Variants in NME7 observed in about 807,000 individuals in gnomAD.
The protein encoded by NME7 is NME/NM23 family member 7.
In NME7, 41 loss-of-function variants were observed where a neutral mutation model predicts 49.1. The ratio of observed to expected loss-of-function variants is 0.83; its 90% CI spans 0.65 to 1.08. The LOEUF is 1.08. Among genes scored for constraint, NME7 ranks in the 50% least tolerant of loss-of-function variants. The pLI is 0.00. For missense variants in NME7, 423 were observed against 463.4 expected (o/e 0.91, Z 0.80); for synonymous variants, 139 against 150.6 (o/e 0.92, Z 0.56).
At chr1:169,363,674 C>T (rs1365541641) in intron 1 of NME7, among the ~76,000 whole-genome samples, 1 of 152,196 alleles carries the variant, frequency 6.6e-6, no homozygotes, top group African/African-American at 2.4e-5. Flanking sequence ...ACCATAAGTT[C>T]CTAAAATATA....
intron 10 of NME7, among the ~76,000 whole-genome samples, chr1:169,180,796 CT>C (rs1199830335): frequency 1.3e-5 from 2 of 151,964 alleles, no homozygotes; most frequent in African/African-American, 4.8e-5. Flanking sequence ...TATTAATGAG[CT>C]TTTTTACATT....
chr1:169,220,662 A>T (rs1288231479), intron 10 of NME7, among the ~76,000 whole-genome samples: 1 of 152,156 alleles, frequency 6.6e-6, no homozygotes, highest in African/African-American at 2.4e-5. Flanking sequence ...TTACTAACAC[A>T]TAACTTTTTT....
At chr1:169,209,999 T>C (rs1327253132) in intron 10 of NME7, among the ~76,000 whole-genome samples, 4 of 152,188 alleles carry the variant, frequency 2.6e-5, no homozygotes, top group East Asian at 1.9e-4. Context: ...TTGTAATATA[T>C]ACAACTATGT....
intron 10 of NME7, among the ~76,000 whole-genome samples, chr1:169,221,689 A>G (rs1051636963): frequency 6.6e-6 from 1 of 151,520 alleles, no homozygotes; most frequent in Admixed American, 6.6e-5. Context: ...ATATTTATAT[A>G]TATTTATATA....
Position 169,174,970 on chromosome 1 carries a change from C to A in NME7, c.991-5416G>T, listed in dbSNP as rs1659711218. Among the ~76,000 whole-genome samples the A allele has an allele frequency of 1.3e-5, 2 of 152,136 alleles. 1 individual carries two copies. Among genetic ancestry groups the A allele is most frequent in the South Asian group, 4.1e-4 (2 of 4,834 alleles). On this transcript the variant is annotated intron_variant, in intron 10 of 11. Transcript: ENST00000367811. ...TCAATAGTAAATTAACCTTAGCTTA[C>A]TGTAACTATTTCACTTTATAAACTT... is the stretch of plus-strand genomic sequence containing the variant.
Position 169,268,036 on chromosome 1 carries a change from C to T in NME7, c.754+19267G>A, listed in dbSNP as rs1443186525. On this transcript the variant is annotated intron_variant, in intron 7 of 11. Transcript: ENST00000367811. Reference sequence around the variant, plus strand: ...TGAGAGAAAATATTTGCTAACTATACGTCTGACAGAGGTCTAACATCCAGA... The same window carrying T: ...TGAGAGAAAATATTTGCTAACTATATGTCTGACAGAGGTCTAACATCCAGA... 4.5e-5 allele frequency among the ~76,000 whole-genome samples: 6 copies of T among 133,230 alleles called. 2 individuals are homozygous for T. The highest frequency in any genetic ancestry group is 1.1e-4 in the Non-Finnish European group (6 of 56,690). 87.4% of individuals were successfully genotyped at this position (133,230 alleles called of 152,430 possible). A position where few individuals can be genotyped will look rare whatever the true frequency, so the allele number is the denominator to read the frequency against.
At chr1:169,331,548 T>A (rs570426686) in intron 1 of NME7, among the ~76,000 whole-genome samples, 2 of 152,300 alleles carry the variant, frequency 1.3e-5, no homozygotes, top group Admixed American at 1.3e-4. Context: ...TGTTTACAGA[T>A]GATATGATTT....
chr1:169,359,495 T>G (rs1454205671), intron 1 of NME7, among the ~76,000 whole-genome samples: 2 of 152,042 alleles, frequency 1.3e-5, no homozygotes, highest in East Asian at 3.8e-4. Context: ...TGTATGAGTA[T>G]ATATGTGACC....
chr1:169,293,206 G>A (rs1650578300), intron 6 of NME7, among the ~76,000 whole-genome samples: 1 of 151,720 alleles, frequency 6.6e-6, no homozygotes, highest in African/African-American at 2.4e-5. Flanking sequence ...TGAGGCAAGT[G>A]GATGGCTTGA....
At chr1:169,211,831 T>A (rs12139905) in intron 10 of NME7, among the ~76,000 whole-genome samples, 1 of 152,174 alleles carries the variant, frequency 6.6e-6, no homozygotes. Flanking sequence ...TTGAATTACA[T>A]CTTCTGCTTT....
At chr1:169,192,953 C>G (rs1660275885) in intron 10 of NME7, among the ~76,000 whole-genome samples, 1 of 152,062 alleles carries the variant, frequency 6.6e-6, no homozygotes, top group South Asian at 2.1e-4. Context: ...TATGAATAGT[C>G]AATTCCTGAA....
intron 7 of NME7, among the ~76,000 whole-genome samples, chr1:169,243,486 A>G (rs1648176808): frequency 6.6e-6 from 1 of 152,206 alleles, no homozygotes; most frequent in African/African-American, 2.4e-5. Context: ...TGGACTGAAT[A>G]TTTGTGACCC....
intron 10 of NME7, 70 bp from the exon 11 acceptor site, chr1:169,169,624 A>G: frequency 1.5e-6 from 2 of 1,353,070 alleles, no homozygotes; most frequent in South Asian, 1.2e-5. Context: ...CACTAGCTAT[A>G]TGAAACGCTA....
intron 10 of NME7, among the ~76,000 whole-genome samples, chr1:169,195,087 G>A (rs1375004872): frequency 2.0e-5 from 3 of 152,058 alleles, no homozygotes; most frequent in Admixed American, 2.0e-4. Flanking sequence ...TGCATTATAT[G>A]CAATTATAAT....
intron 10 of NME7, among the ~76,000 whole-genome samples, chr1:169,229,716 T>C (rs1647513812): frequency 6.6e-6 from 1 of 152,084 alleles, no homozygotes. Flanking sequence ...ATCTCAACAC[T>C]TTGGGAGGCC....
At chr1:169,136,203 AG>A (rs1658425604) in intron 11 of NME7, among the ~76,000 whole-genome samples, 1 of 152,210 alleles carries the variant, frequency 6.6e-6, no homozygotes, top group South Asian at 2.1e-4. Flanking sequence ...AATAGGACAT[AG>A]GATCCTTTCC....
At chr1:169,358,880 C>G (rs1213247239) in intron 1 of NME7, among the ~76,000 whole-genome samples, 2 of 152,062 alleles carry the variant, frequency 1.3e-5, no homozygotes. Context: ...CCTAAAAATG[C>G]ACATGACCTC....
chr1:169,310,161 CAACA>C, intron 3 of NME7, 81 bp from the exon 4 acceptor site: 1 of 828,626 alleles, frequency 1.2e-6, no homozygotes, highest in Non-Finnish European at 1.9e-6. Flanking sequence ...GCAGTATTCT[CAACA>C]ATCATCCTAG....
intron 10 of NME7, among the ~76,000 whole-genome samples, chr1:169,176,955 A>C (rs892021104): frequency 1.3e-5 from 2 of 152,100 alleles, no homozygotes; most frequent in Non-Finnish European, 2.9e-5. Flanking sequence ...AATACATTTT[A>C]AGACATTTAA....
Sources: allele counts gnomAD v4.1 joint callset (sites outside exome capture counted in the v4.1 genomes callset), GRCh38; gene constraint gnomAD v4.1.1; transcripts MANE v1.5; gene names NCBI Gene and HGNC (gene_info 2026-07-23, HGNC 2026-07-21).